The following ATXN1 variants were observed in gnomAD, a reference collection of about 807,000 sequenced individuals.
ATXN1 encodes ataxin 1.
ATXN1 carries 8 observed loss-of-function variants against 56.4 expected under a neutral mutation model. The ratio of observed to expected loss-of-function variants is 0.14; its 90% CI spans 0.08 to 0.26. ATXN1 has a LOEUF of 0.26. Among genes scored for constraint, ATXN1 ranks in the 10% least tolerant of loss-of-function variants. The pLI, the probability that ATXN1 is intolerant of heterozygous loss-of-function variation, is 1.00. For missense variants in ATXN1, 987 were observed against 1,106.5 expected (o/e 0.89, Z 1.53); for synonymous variants, 514 against 494.6 (o/e 1.04, Z -0.52).
chr6:16,754,623 A>T (rs1335372614), intron 1 of ATXN1: 2 of 152,252 alleles, frequency 1.3e-5, no homozygotes, highest in African/African-American at 4.8e-5. Flanking sequence ...AATGAACAGT[A>T]GCCAAAATGT....
intron 2 of ATXN1, among the ~76,000 whole-genome samples, chr6:16,678,316 A>C (rs1179111164): frequency 1.3e-5 from 2 of 152,256 alleles, no homozygotes; most frequent in Non-Finnish European, 2.9e-5. Flanking sequence ...CTAAAGTCTC[A>C]GCCAACTATT....
chr6:16,323,479 C>A (rs905647933), intron 7 of ATXN1, among the ~76,000 whole-genome samples: 1 of 140,464 alleles, frequency 7.1e-6, no homozygotes, highest in Non-Finnish European at 1.5e-5. Flanking sequence ...GATCACCCCA[C>A]TGCACTCTGC....
At chr6:16,740,012 A>C in intron 2 of ATXN1, 1 of 385,292 alleles carries the variant, frequency 2.6e-6, no homozygotes, top group African/African-American at 2.1e-5. Context: ...AGCTGTAAAG[A>C]GATTGAGGAG....
intron 6 of ATXN1, among the ~76,000 whole-genome samples, chr6:16,386,759 C>T (rs998062020): frequency 6.6e-6 from 1 of 152,108 alleles, no homozygotes; most frequent in Non-Finnish European, 1.5e-5. Context: ...GAGAAATGAG[C>T]GTAACTCCTT....
At chr6:16,633,572 C>T (rs1763542696) in intron 3 of ATXN1, among the ~76,000 whole-genome samples, 1 of 152,160 alleles carries the variant, frequency 6.6e-6, no homozygotes, top group South Asian at 2.1e-4. Flanking sequence ...GAGCTGAGTA[C>T]TTGCCAACAG....
At chr6:16,723,910 G>A (rs759298570) in intron 2 of ATXN1, among the ~76,000 whole-genome samples, 3 of 151,976 alleles carry the variant, frequency 2.0e-5, no homozygotes, top group Non-Finnish European at 4.4e-5. Flanking sequence ...ATTTTCACTC[G>A]ACTGTGTTTT....
intron 6 of ATXN1, among the ~76,000 whole-genome samples, chr6:16,456,612 T>C (rs1203707162): frequency 2.0e-5 from 3 of 152,176 alleles, no homozygotes; most frequent in Non-Finnish European, 1.5e-5. Context: ...CAAAGTTACA[T>C]AGCCCAAACA....
intron 2 of ATXN1, among the ~76,000 whole-genome samples, chr6:16,707,693 A>G (rs770072662): frequency 6.6e-6 from 1 of 152,182 alleles, no homozygotes; most frequent in Non-Finnish European, 1.5e-5. Flanking sequence ...TAGAGGGAAC[A>G]CTGGGGAAAA....
At chr6:16,707,431 C>G (rs1356517804) in intron 2 of ATXN1, among the ~76,000 whole-genome samples, 1 of 152,210 alleles carries the variant, frequency 6.6e-6, no homozygotes, top group Non-Finnish European at 1.5e-5. Flanking sequence ...ACTCTACTGC[C>G]ACTACTCTAA....
intron 3 of ATXN1, among the ~76,000 whole-genome samples, chr6:16,627,503 C>T (rs951551818): frequency 2.0e-5 from 3 of 152,162 alleles, no homozygotes; most frequent in South Asian, 2.1e-4. Flanking sequence ...CCGAGGTGGG[C>T]GGGTCACGAG....
chr6:16,340,542 T>C (rs1481601928), intron 6 of ATXN1, among the ~76,000 whole-genome samples: 1 of 152,186 alleles, frequency 6.6e-6, no homozygotes, highest in Non-Finnish European at 1.5e-5. Flanking sequence ...TTCCCTGTAA[T>C]AAGTATGAGT....
rs780668904 is a variant in ATXN1, at chr6:16,327,702, C to CTGCTGA, written c.608_609insTCAGCA (p.Gln202_Gln203insHisGln). 13 of 1,599,592 alleles carry CTGCTGA rather than the reference C, an allele frequency of 8.1e-6. No individual in the cohort carries two copies. Among genetic ancestry groups the CTGCTGA allele is most frequent in the African/African-American group, 2.7e-5 (2 of 74,184 alleles). On this transcript the variant is annotated inframe_insertion, in exon 7 of 8. Transcript: ENST00000436367. Reference sequence around the variant, plus strand: ...GATGCTGATGCTGCTGCTGCTGCTGCTGCTGCTGCTGCTGCTGCTGCTCAG... The same window carrying CTGCTGA: ...GATGCTGATGCTGCTGCTGCTGCTGCTGCTGATGCTGCTGCTGCTGCTGCTGCTCAG...
At chr6:16,734,916 T>G (rs1369155659) in intron 2 of ATXN1, among the ~76,000 whole-genome samples, 1 of 152,208 alleles carries the variant, frequency 6.6e-6, no homozygotes, top group East Asian at 1.9e-4. Context: ...AATATGGGTG[T>G]AGAGTTAAAG....
intron 3 of ATXN1, among the ~76,000 whole-genome samples, chr6:16,610,716 T>C (rs550821883): frequency 5.3e-5 from 8 of 152,236 alleles, no homozygotes; most frequent in African/African-American, 1.9e-4. Context: ...TAGTTGTGCT[T>C]TAAAACAGTT....
chr6:16,403,689 A>ATTACCC (rs1203863330), intron 6 of ATXN1, among the ~76,000 whole-genome samples: 1 of 151,966 alleles, frequency 6.6e-6, no homozygotes, highest in East Asian at 1.9e-4. Flanking sequence ...TACCATATTT[A>ATTACCC]TTACCCTGTC....
intron 6 of ATXN1, among the ~76,000 whole-genome samples, chr6:16,439,761 C>G (rs924355859): frequency 1.3e-5 from 2 of 152,164 alleles, no homozygotes; most frequent in Admixed American, 1.3e-4. Flanking sequence ...GCAGAAACAT[C>G]TTCTCAAGCA....
intron 4 of ATXN1, among the ~76,000 whole-genome samples, chr6:16,525,487 T>C (rs769371127): frequency 9.9e-5 from 15 of 151,686 alleles, no homozygotes; most frequent in Admixed American, 1.3e-4. Context: ...ACTGAACTCA[T>C]GGACACAGAG....
At chr6:16,451,508 C>T (rs1301733642) in intron 6 of ATXN1, among the ~76,000 whole-genome samples, 3 of 152,236 alleles carry the variant, frequency 2.0e-5, no homozygotes, top group African/African-American at 4.8e-5. Flanking sequence ...GTAATCCCAG[C>T]ACTTTGGGAG....
chr6:16,420,282 G>C (rs1365167678), intron 6 of ATXN1, among the ~76,000 whole-genome samples: 1 of 152,108 alleles, frequency 6.6e-6, no homozygotes, highest in African/African-American at 2.4e-5. Flanking sequence ...CTGTCTCTGG[G>C]GACCTTCAGA....
Sources: gnomAD v4.1 joint callset for allele counts (sites outside exome capture counted in the v4.1 genomes callset) on GRCh38, gnomAD v4.1.1 for gene constraint, MANE v1.5 for transcripts, NCBI Gene and HGNC (gene_info 2026-07-23, HGNC 2026-07-21) for gene names.